SMAD1: variants seen among roughly 807,000 people sequenced by gnomAD.
SMAD1 encodes SMAD family member 1, also known as MAD, mothers against decapentaplegic homolog 1.
SMAD1 carries 6 observed loss-of-function variants against 41.6 expected under a neutral mutation model. The ratio of observed to expected loss-of-function variants is 0.14; its 90% CI spans 0.08 to 0.28. SMAD1 has a LOEUF of 0.28. Ranked by LOEUF, SMAD1 falls within the 10% of genes least tolerant of loss-of-function variation. SMAD1 has a pLI of 1.00. For missense variants in SMAD1, 379 were observed against 582.6 expected, an observed-to-expected ratio of 0.65 and a Z score of 3.60; for synonymous variants, 206 against 203.2, an observed-to-expected ratio of 1.01 and a Z score of -0.12.
chr4:145,531,266 T>C (rs1286764595), intron 2 of SMAD1, among the ~76,000 whole-genome samples: 1 of 152,238 alleles, frequency 6.6e-6, no homozygotes, highest in East Asian at 1.9e-4. Context: ...TAATTTTAAG[T>C]GTTCTTACTC....
At position 145,524,432 on chromosome 4, in the gene SMAD1, A is replaced by C. The variant is rs577516772; in HGVS notation, c.400+9419A>C. Among the ~76,000 whole-genome samples the C allele has an allele frequency of 2.9e-4, 44 of 152,090 alleles. 1 individual carries two copies. The highest frequency in any genetic ancestry group is 2.5e-3 in the Admixed American group (38 of 15,278). ...TCAGCCATTACTGTATGTTACTTTT[A>C]CATAAACTGTAAAAGTACATAAGTT... On this transcript the variant is annotated intron_variant, in intron 2 of 6. Coordinates refer to ENST00000302085, the MANE Select transcript of SMAD1 (RefSeq NM_005900.3).
At chr4:145,544,025 G>A (rs550965910) in intron 4 of SMAD1, among the ~76,000 whole-genome samples, 7 of 152,054 alleles carry the variant, frequency 4.6e-5, no homozygotes, top group Admixed American at 2.0e-4. Context: ...TTATACAGTG[G>A]TAACTGCATG....
chr4:145,528,501 C>T (rs1731156633), intron 2 of SMAD1, among the ~76,000 whole-genome samples: 1 of 152,150 alleles, frequency 6.6e-6, no homozygotes, highest in African/African-American at 2.4e-5. Flanking sequence ...CTTGGCCTCC[C>T]GGAGTGCCAG....
At chr4:145,526,785 T>C (rs374778189) in intron 2 of SMAD1, among the ~76,000 whole-genome samples, 3 of 152,168 alleles carry the variant, frequency 2.0e-5, no homozygotes, top group East Asian at 1.9e-4. Context: ...AAAGGAGATA[T>C]TTATTTCTCT....
intron 2 of SMAD1, among the ~76,000 whole-genome samples, chr4:145,527,586 A>C (rs888113357): frequency 3.3e-5 from 5 of 152,116 alleles, no homozygotes; most frequent in Admixed American, 6.6e-5. Flanking sequence ...ACTGATATGT[A>C]GAATTTGAGT....
intron 1 of SMAD1, among the ~76,000 whole-genome samples, chr4:145,507,930 A>G (rs1229756907): frequency 6.6e-6 from 1 of 152,150 alleles, no homozygotes; most frequent in South Asian, 2.1e-4. Context: ...TGCTTAACTC[A>G]GGTAAAAATT....
intron 1 of SMAD1, among the ~76,000 whole-genome samples, chr4:145,500,531 C>T (rs546165751): frequency 2.6e-3 from 391 of 152,232 alleles, no homozygotes; most frequent in African/African-American, 9.2e-3. Flanking sequence ...TTTCAGGGGG[C>T]TGTTCAGATA....
rs1295944479 is a variant in SMAD1, at chr4:145,539,994, G to A, written c.591G>A (p.Gly197=). The A allele has an allele frequency of 1.9e-6, 3 of 1,614,036 alleles. No homozygotes were observed. The highest frequency in any genetic ancestry group is 2.5e-6 in the Non-Finnish European group (3 of 1,180,002). The part of the protein sequence containing the change: ...SPNSSYPNSP[G]SSSSTYPHSP... Reference sequence around the variant, plus strand: ...ATAGCAGTTACCCAAACTCTCCTGGGAGCAGCAGCAGCACCTACCCTCACT... The same window carrying A: ...ATAGCAGTTACCCAAACTCTCCTGGAAGCAGCAGCAGCACCTACCCTCACT... Residue 197 remains glycine (G), a synonymous_variant, in exon 3 of 7, where the codon GGG becomes GGA. Coordinates refer to ENST00000302085, the MANE Select transcript of SMAD1 (RefSeq NM_005900.3).
At chr4:145,519,682 A>G (rs1445067263) in intron 2 of SMAD1, among the ~76,000 whole-genome samples, 1 of 151,294 alleles carries the variant, frequency 6.6e-6, no homozygotes, top group African/African-American at 2.4e-5. Flanking sequence ...TTTTTTAGCA[A>G]TTTTGAAATA....
At chr4:145,521,762 G>A (rs1368094747) in intron 2 of SMAD1, among the ~76,000 whole-genome samples, 1 of 152,094 alleles carries the variant, frequency 6.6e-6, no homozygotes, top group Non-Finnish European at 1.5e-5. Flanking sequence ...CTGTATCAAT[G>A]TCAATATTTT....
intron 2 of SMAD1, among the ~76,000 whole-genome samples, chr4:145,537,636 G>T (rs1345290527): frequency 3.3e-5 from 5 of 152,052 alleles, no homozygotes. Context: ...ATAAATTGTA[G>T]TTTATATATA....
Position 145,553,780 on chromosome 4 carries a change from A to G in SMAD1, c.998-4A>G, listed in dbSNP as rs752693339. The G allele has an allele frequency of 5.6e-5, 91 of 1,613,014 alleles. No homozygotes were observed. The highest frequency in any genetic ancestry group is 4.6e-4 in the South Asian group (42 of 91,026). On this transcript the variant is annotated splice_polypyrimidine_tract_variant and splice_region_variant and intron_variant, in intron 5 of 6. Transcript: ENST00000302085. Reference sequence around the variant, plus strand: ...ACTAAATGGTATGCTTTGTCTTCCTATAGGAGTTCATCTTTATTATGTTGG... The same window carrying G: ...ACTAAATGGTATGCTTTGTCTTCCTGTAGGAGTTCATCTTTATTATGTTGG...
intron 6 of SMAD1, among the ~76,000 whole-genome samples, chr4:145,554,517 T>C (rs1456361410): frequency 6.6e-6 from 1 of 152,144 alleles, no homozygotes; most frequent in Non-Finnish European, 1.5e-5. Flanking sequence ...TTGTGTTTGG[T>C]CAGGTTTTTT....
chr4:145,524,923 T>G (rs1730946804), intron 2 of SMAD1, among the ~76,000 whole-genome samples: 1 of 152,212 alleles, frequency 6.6e-6, no homozygotes, highest in Non-Finnish European at 1.5e-5. Context: ...AAATAATAAT[T>G]AAGACCTTCT....
At position 145,558,342 on chromosome 4, in the gene SMAD1, A is replaced by G. The variant is rs1732962269; in HGVS notation, c.*408A>G. On this transcript the variant is annotated 3_prime_UTR_variant, in exon 7 of 7. Coordinates refer to ENST00000302085, the MANE Select transcript of SMAD1 (RefSeq NM_005900.3). The stretch of plus-strand genomic sequence containing the variant: ...TAATAGTTGTTCTGAAACGTGTTTT[A>G]TCAGGTTTAGAGCCCATGTTGAGTC... 6.6e-6 allele frequency among the ~76,000 whole-genome samples: 1 copy of G among 152,192 alleles called. No homozygotes were observed. Among genetic ancestry groups the G allele is most frequent in the African/African-American group, 2.4e-5 (1 of 41,464 alleles).
In SMAD1 at chr4:145,553,918, T is replaced by C; in HGVS notation, c.1132T>C (p.Cys378Arg). ...PTTVCKIPSG[C>R]SLKIFNNQEF... ...TACTGTTTGCAAGATCCCTAGTGGG[T>C]GTAGTCTGAAAATTTTTAACAACCA... is the stretch of plus-strand genomic sequence containing the variant. The change falls in exon 6 of 7, where the codon TGT becomes CGT. Residue 378 changes from cysteine to arginine, a missense_variant. Physicochemically the swap from Cys to Arg is radical, Grantham distance 180 (BLOSUM62 -3). This residue lies in a region of SMAD1 where 107 missense variants were observed against 218.3 expected (regional missense o/e 0.49). Coordinates refer to ENST00000302085, the MANE Select transcript of SMAD1 (RefSeq NM_005900.3). 1.2e-6 allele frequency: 2 copies of C among 1,614,080 alleles called. No individual in the cohort carries two copies. The highest frequency in any genetic ancestry group is 1.7e-6 in the Non-Finnish European group (2 of 1,180,026).
intron 1 of SMAD1, among the ~76,000 whole-genome samples, chr4:145,503,279 G>A (rs1729568495): frequency 6.6e-6 from 1 of 152,164 alleles, no homozygotes; most frequent in Non-Finnish European, 1.5e-5. Flanking sequence ...GAGCAGCAGA[G>A]TTCTGTGTTC....
chr4:145,514,486 C>T lies in SMAD1; in HGVS notation c.-128C>T. ...AACACTAGGAATGGTAATTTCTACT[C>T]TTCTGGACTTCAAACTAAGAAGTTA... On this transcript the variant is annotated 5_prime_UTR_variant, in exon 2 of 7. Coordinates refer to ENST00000302085, the MANE Select transcript of SMAD1 (RefSeq NM_005900.3). The surrounding 1 kb of genome is among the most constrained non-coding windows in gnomAD (Gnocchi z 4.7). The T allele has an allele frequency of 2.3e-6, 2 of 881,424 alleles. No homozygotes were observed. The highest frequency in any genetic ancestry group is 3.4e-6 in the Non-Finnish European group (2 of 589,392). The allele number at this position is 881,424 out of a possible 1,614,324, so 54.6% of individuals were successfully genotyped here.
At chr4:145,500,989 T>TACA (rs1729407206) in intron 1 of SMAD1, among the ~76,000 whole-genome samples, 1 of 152,218 alleles carries the variant, frequency 6.6e-6, no homozygotes, top group Admixed American at 6.5e-5. Context: ...GTACAGCTAC[T>TACA]AAGTGGACAG....
Sources: gnomAD v4.1 joint callset for allele counts (sites outside exome capture counted in the v4.1 genomes callset) on GRCh38, gnomAD v4.1.1 for gene constraint, gnomAD v4.1.1 regional missense constraint, Gnocchi (gnomAD v3.1) non-coding constraint, MANE v1.5 for transcripts, NCBI Gene and HGNC (gene_info 2026-07-23, HGNC 2026-07-21) for gene names.